Variants in GPX7 observed in about 807,000 individuals in gnomAD.
GPX7 encodes protein peroxidase GPX7.
A neutral mutation model predicts 23.7 loss-of-function variants in GPX7; 21 were observed. That is an observed-to-expected ratio of 0.89 (90% CI 0.63 to 1.28). GPX7 has a LOEUF of 1.28. Among genes scored for constraint, GPX7 ranks in the 50% most tolerant of loss-of-function variants. GPX7 has a pLI of 0.00. For missense variants in GPX7, 238 were observed against 237.3 expected, an observed-to-expected ratio of 1.00 and a Z score of -0.02; for synonymous variants, 112 against 101.8, an observed-to-expected ratio of 1.10 and a Z score of -0.61.
chr1:52,602,554 G>C lies in GPX7; in HGVS notation c.138+7G>C. The C allele has an allele frequency of 1.3e-6, 2 of 1,545,538 alleles. No homozygotes were observed. The highest frequency in any genetic ancestry group is 8.7e-7 in the Non-Finnish European group (1 of 1,149,766). On this transcript the variant is annotated splice_region_variant and intron_variant, in intron 1 of 2. Transcript: ENST00000361314. The stretch of plus-strand genomic sequence containing the variant: ...GGAGAAGTACCGCGGATCGGTGAGT[G>C]CGCGGGGTCTGGCGGCGCCGCTGGG...
At chr1:52,608,020 A>G (rs1690873510) in intron 2 of GPX7, among the ~76,000 whole-genome samples, 3 of 152,184 alleles carry the variant, frequency 2.0e-5, no homozygotes, top group African/African-American at 4.8e-5. Flanking sequence ...CCACTTTATC[A>G]AGCACGTCAC....
intron 1 of GPX7, among the ~76,000 whole-genome samples, chr1:52,605,577 C>T (rs995970094): frequency 1.3e-5 from 2 of 152,132 alleles, no homozygotes; most frequent in Non-Finnish European, 1.5e-5. Context: ...GCATTTGAGC[C>T]AAAATTCTAA....
chr1:52,607,157 C>G (rs1690863521), intron 2 of GPX7: 7 of 590,588 alleles, frequency 1.2e-5, no homozygotes, highest in Non-Finnish European at 2.1e-5. Context: ...AAGAATATCT[C>G]CATACCTGCT....
chr1:52,604,009 A>G (rs997001036), intron 1 of GPX7, among the ~76,000 whole-genome samples: 10 of 152,174 alleles, frequency 6.6e-5, no homozygotes, highest in African/African-American at 2.4e-4. Context: ...CACCTACTGT[A>G]TACTAACTAG....
At chr1:52,605,396 T>A (rs1408673308) in intron 1 of GPX7, among the ~76,000 whole-genome samples, 1 of 152,032 alleles carries the variant, frequency 6.6e-6, no homozygotes, top group Non-Finnish European at 1.5e-5. Flanking sequence ...ATCTAGTGGG[T>A]AGAGGCCAGG....
chr1:52,606,583 T>G (rs375275546), intron 1 of GPX7, 101 bp from the exon 2 acceptor site: 1 of 1,318,978 alleles, frequency 7.6e-7, no homozygotes. Context: ...CAGTATTAAC[T>G]GTTGAGGGAG....
At chr1:52,604,678 C>G (rs1690836165) in intron 1 of GPX7, among the ~76,000 whole-genome samples, 1 of 152,088 alleles carries the variant, frequency 6.6e-6, no homozygotes, top group Admixed American at 6.5e-5. Flanking sequence ...TTTTTGGTTT[C>G]AGGGATGGAA....
intron 1 of GPX7, among the ~76,000 whole-genome samples, 192 bp downstream of exon 1, chr1:52,602,739 C>G (rs1225143575): frequency 6.6e-6 from 1 of 151,224 alleles, no homozygotes; most frequent in East Asian, 1.9e-4. Context: ...GCGCCCGGCC[C>G]GGCCCGGCCC....
In GPX7 at chr1:52,602,553, T is replaced by G. The variant is rs1170903411; in HGVS notation, c.138+6T>G. On this transcript the variant is annotated splice_donor_region_variant and intron_variant, in intron 1 of 2. Coordinates refer to ENST00000361314, the MANE Select transcript of GPX7 (RefSeq NM_015696.5). Reference sequence around the variant, plus strand: ...TGGAGAAGTACCGCGGATCGGTGAGTGCGCGGGGTCTGGCGGCGCCGCTGG... The same window carrying G: ...TGGAGAAGTACCGCGGATCGGTGAGGGCGCGGGGTCTGGCGGCGCCGCTGG... 6.5e-7 allele frequency: 1 copy of G among 1,547,026 alleles called. No homozygotes were observed. Among genetic ancestry groups the G allele is most frequent in the Admixed American group, 2.0e-5 (1 of 49,774 alleles).
Position 52,608,516 on chromosome 1 carries a change from C to T in GPX7, c.*91C>T. On this transcript the variant is annotated 3_prime_UTR_variant, in exon 3 of 3. Coordinates refer to ENST00000361314, the MANE Select transcript of GPX7 (RefSeq NM_015696.5). The stretch of plus-strand genomic sequence containing the variant: ...AAATGGTGCTTCAAAGGGAGAGACC[C>T]ACTGACTCTCCTTCCTTTACTCTTA... 1 of 1,081,720 alleles carries T rather than the reference C, an allele frequency of 9.2e-7. No individual in the cohort carries two copies. The highest frequency in any genetic ancestry group is 1.3e-6 in the Non-Finnish European group (1 of 768,790). The allele number at this position is 1,081,720 out of a possible 1,614,324, so 67.0% of individuals were successfully genotyped here. A position where few individuals can be genotyped will look rare whatever the true frequency, so the allele number is the denominator to read the frequency against.
intron 2 of GPX7, chr1:52,607,268 C>T (rs907646910): frequency 2.6e-6 from 1 of 377,456 alleles, no homozygotes; most frequent in African/African-American, 2.0e-5. Context: ...TCAGTGTGAA[C>T]TAGATGAGTT....
Position 52,606,663 on chromosome 1 carries a change from T to C in GPX7, c.139-21T>C, listed in dbSNP as rs747788828. 8.1e-6 allele frequency: 13 copies of C among 1,607,136 alleles called. No individual in the cohort carries two copies. The South Asian group carries it at 1.4e-4, about 18-fold the overall frequency. ...TCACTGGCTTGTCTGGGCTTTGTTT[T>C]GTTTTGTTTCTGTCATACAGGTGTC... is the stretch of plus-strand genomic sequence containing the variant. On this transcript the variant is annotated intron_variant, in intron 1 of 2. Transcript: ENST00000361314.
intron 1 of GPX7, among the ~76,000 whole-genome samples, chr1:52,605,769 G>T (rs1382396683): frequency 6.6e-6 from 1 of 152,168 alleles, no homozygotes; most frequent in Non-Finnish European, 1.5e-5. Flanking sequence ...AAGAGTTTTT[G>T]AGTCCAGCCT....
At chr1:52,604,299 T>C (rs991939959) in intron 1 of GPX7, among the ~76,000 whole-genome samples, 2 of 152,212 alleles carry the variant, frequency 1.3e-5, no homozygotes, top group Non-Finnish European at 2.9e-5. Flanking sequence ...AGAAAAGCTG[T>C]AATTGGTGCT....
intron 1 of GPX7, among the ~76,000 whole-genome samples, chr1:52,603,670 C>T (rs962763223): frequency 6.6e-6 from 1 of 152,176 alleles, no homozygotes; most frequent in African/African-American, 2.4e-5. Flanking sequence ...GCAACACCAT[C>T]TTTAGTGAAG....
Position 52,608,541 on chromosome 1 carries a change from A to T in GPX7, c.*116A>T. ...CACTGACTCTCCTTCCTTTACTCTT[A>T]TGCCATTGGTCCCATCATTCTTGTG... On this transcript the variant is annotated 3_prime_UTR_variant, in exon 3 of 3. Transcript: ENST00000361314. The T allele has an allele frequency of 1.2e-6, 1 of 824,618 alleles. No homozygotes were observed. Among genetic ancestry groups the T allele is most frequent in the Non-Finnish European group, 1.8e-6 (1 of 560,208 alleles). 51.1% of individuals were successfully genotyped at this position (824,618 alleles called of 1,614,324 possible). A position where few individuals can be genotyped will look rare whatever the true frequency, so the allele number is the denominator to read the frequency against.
chr1:52,605,045 T>TAAAAA (rs59749784), intron 1 of GPX7, among the ~76,000 whole-genome samples: 2 of 83,666 alleles, frequency 2.4e-5, no homozygotes, highest in African/African-American at 4.5e-5. Flanking sequence ...ACTCTGTCTT[T>TAAAAA]AAAAAAAAAA....
At chr1:52,602,576 T>G (rs367762292) in intron 1 of GPX7, 29 bp downstream of exon 1, 434 of 1,486,362 alleles carry the variant, frequency 2.9e-4, no homozygotes, top group Non-Finnish European at 3.5e-4. Flanking sequence ...GCGGCGCCGC[T>G]GGGCCCGGCC....
rs549558774 is a variant in GPX7, at chr1:52,602,418, G to T, written c.9G>T (p.Ala3=). 2 of 1,511,890 alleles carry T rather than the reference G, an allele frequency of 1.3e-6. No homozygotes were observed. The highest frequency in any genetic ancestry group is 2.9e-5 in the East Asian group (1 of 34,224). The allele number at this position is 1,511,890 out of a possible 1,614,324, so 93.7% of individuals were successfully genotyped here. ...CACCTCCGGAACAAGCCATGGTGGC[G>T]GCGACGGTGGCAGCGGCGTGGCTGC... The part of the protein sequence containing the change: MV[A]ATVAAAWLLL... Residue 3 remains alanine, a synonymous_variant, in exon 1 of 3, where the codon GCG becomes GCT. Coordinates refer to ENST00000361314, the MANE Select transcript of GPX7 (RefSeq NM_015696.5).
Sources: allele counts gnomAD v4.1 joint callset (sites outside exome capture counted in the v4.1 genomes callset), GRCh38; gene constraint gnomAD v4.1.1; transcripts MANE v1.5; gene names NCBI Gene and HGNC (gene_info 2026-07-23, HGNC 2026-07-21).